TRPC5OS: variants seen among roughly 807,000 people sequenced by gnomAD.
TRPC5OS encodes putative uncharacterized protein TRPC5OS.
For missense variants in TRPC5OS, 64 were observed against 79.3 expected (o/e 0.81, Z 0.73); for synonymous variants, 30 against 29.3 (o/e 1.02, Z -0.08).
chrX:111,899,951 C>T (rs184950513), intron 3 of TRPC5OS, among the ~76,000 whole-genome samples: 4 of 110,646 alleles, frequency 3.6e-5, no homozygotes, highest in South Asian at 3.9e-4. Context: ...TGGTCATTAT[C>T]GTTGTGACCC....
chrX:111,888,692 T>TCA (rs1230757894), intron 1 of TRPC5OS, among the ~76,000 whole-genome samples: 2 of 22,911 alleles, frequency 8.7e-5, no homozygotes, highest in Admixed American at 1.4e-3. Context: ...AGACTCTATC[T>TCA]CAAAAAAAAA....
At chrX:111,895,291 C>T (rs1382839054) in intron 1 of TRPC5OS, among the ~76,000 whole-genome samples, 1 of 111,619 alleles carries the variant, frequency 9.0e-6, no homozygotes, top group African/African-American at 3.3e-5. Flanking sequence ...TAGTGATGAA[C>T]ACCTATTTAT....
At chrX:111,891,747 C>A (rs983090306) in intron 1 of TRPC5OS, among the ~76,000 whole-genome samples, 11 of 110,841 alleles carry the variant, frequency 9.9e-5, no homozygotes, top group African/African-American at 3.6e-4. Context: ...CGGGATTTCA[C>A]TATGTTGGCC....
At chrX:111,885,391 G>A (rs1924433124) in intron 1 of TRPC5OS, among the ~76,000 whole-genome samples, 1 of 111,365 alleles carries the variant, frequency 9.0e-6, no homozygotes, top group Admixed American at 9.6e-5. Context: ...GTCTAGTGAG[G>A]ACATTGGCCT....
chrX:111,886,781 C>T (rs773274349), intron 1 of TRPC5OS, among the ~76,000 whole-genome samples: 1 of 112,140 alleles, frequency 8.9e-6, no homozygotes, highest in African/African-American at 3.2e-5. Context: ...CTGACTGTGC[C>T]ATTTCTGTCG....
At chrX:111,894,522 C>T (rs911293735) in intron 1 of TRPC5OS, among the ~76,000 whole-genome samples, 2 of 111,347 alleles carry the variant, frequency 1.8e-5, no homozygotes, top group Non-Finnish European at 3.8e-5. Flanking sequence ...ATTAAAAACT[C>T]GGCCTAGCTA....
chrX:111,903,921 A>G lies in TRPC5OS; in HGVS notation c.*1736A>G, dbSNP rs1384242582. On this transcript the variant is annotated 3_prime_UTR_variant, in exon 4 of 4. Transcript: ENST00000635763. ...TGTTTACAATCTGTATTAGCTATTGATCTAAACCATTTTATTGTTTTCTTT... is the reference window on the plus strand; with the variant it reads ...TGTTTACAATCTGTATTAGCTATTGGTCTAAACCATTTTATTGTTTTCTTT... 8.9e-6 allele frequency: 1 copy of G among 112,147 alleles called. No individual in the cohort carries two copies. Among genetic ancestry groups the G allele is most frequent in the Non-Finnish European group, 1.9e-5 (1 of 53,217 alleles). The allele number at this position is 112,147 out of a possible 1,213,427, so 9.2% of individuals were successfully genotyped here.
Position 111,901,699 on chromosome X carries a change from T to A in TRPC5OS, c.-151T>A. ...TTGTTCTACTGTTCTCATTCTTTAC[T>A]TGATCACCATCATAATCATATCAAC... On this transcript the variant is annotated 5_prime_UTR_variant, in exon 4 of 4. In the 5' UTR this introduces an upstream ATG that the reference lacks. Transcript: ENST00000635763. 3 of 413,369 alleles carry A rather than the reference T, an allele frequency of 7.3e-6. No homozygotes were observed. Among genetic ancestry groups the A allele is most frequent in the Non-Finnish European group, 8.2e-6 (2 of 244,971 alleles). The allele number at this position is 413,369 out of a possible 1,213,427, so 34.1% of individuals were successfully genotyped here.
chrX:111,885,835 C>A (rs1924466584), intron 1 of TRPC5OS, among the ~76,000 whole-genome samples: 1 of 111,753 alleles, frequency 8.9e-6, no homozygotes, highest in African/African-American at 3.3e-5. Context: ...ACATTGTCTA[C>A]ATCACAAAAT....
At chrX:111,878,400 A>G (rs1163465570) in intron 1 of TRPC5OS, among the ~76,000 whole-genome samples, 2 of 111,629 alleles carry the variant, frequency 1.8e-5, no homozygotes, top group African/African-American at 6.5e-5. Flanking sequence ...TTAGACTCTA[A>G]GCTTCCTTAG....
chrX:111,891,352 T>G (rs967742964), intron 1 of TRPC5OS, among the ~76,000 whole-genome samples: 3 of 111,525 alleles, frequency 2.7e-5, no homozygotes, highest in Middle Eastern at 9.2e-3. Flanking sequence ...AAGCATTTCT[T>G]TTTCTCTGCA....
intron 1 of TRPC5OS, among the ~76,000 whole-genome samples, chrX:111,894,557 C>A (rs1385783450): frequency 9.0e-6 from 1 of 111,164 alleles, no homozygotes; most frequent in Non-Finnish European, 1.9e-5. Context: ...CTTAGCACTG[C>A]CATGAAGTAG....
chrX:111,881,560 A>G (rs890484459), intron 1 of TRPC5OS, among the ~76,000 whole-genome samples: 4 of 111,587 alleles, frequency 3.6e-5, no homozygotes, highest in Non-Finnish European at 7.5e-5. Flanking sequence ...ATTGGCAGAA[A>G]TAAAAATATA....
At chrX:111,891,174 A>T (rs190467109) in intron 1 of TRPC5OS, among the ~76,000 whole-genome samples, 1 of 112,232 alleles carries the variant, frequency 8.9e-6, no homozygotes, top group Non-Finnish European at 1.9e-5. Context: ...TGCAATGAAC[A>T]TAATGTGTGC....
intron 1 of TRPC5OS, among the ~76,000 whole-genome samples, chrX:111,880,789 T>A (rs1240578427): frequency 2.7e-5 from 3 of 112,446 alleles, no homozygotes; most frequent in African/African-American, 6.5e-5. Flanking sequence ...TAGGAATCCA[T>A]GAAGCTAATA....
At chrX:111,898,830 T>C (rs1925198347) in intron 3 of TRPC5OS, among the ~76,000 whole-genome samples, 1 of 110,133 alleles carries the variant, frequency 9.1e-6, no homozygotes. Context: ...GGAGATAATA[T>C]TAAAGTAGAT....
intron 3 of TRPC5OS, among the ~76,000 whole-genome samples, chrX:111,898,192 T>A (rs1175961215): frequency 9.4e-6 from 1 of 106,272 alleles, no homozygotes. Context: ...TCTGTTCAGA[T>A]CTTTTGGCCA....
At chrX:111,897,208 A>G (rs1475436853) in intron 3 of TRPC5OS, among the ~76,000 whole-genome samples, 2 of 111,486 alleles carry the variant, frequency 1.8e-5, no homozygotes, top group African/African-American at 6.5e-5. Flanking sequence ...TTCTGGTACC[A>G]AGCATTTTGG....
chrX:111,878,605 G>T (rs1455960232), intron 1 of TRPC5OS, among the ~76,000 whole-genome samples: 1 of 111,477 alleles, frequency 9.0e-6, no homozygotes, highest in Non-Finnish European at 1.9e-5. Flanking sequence ...TATTTCCCCA[G>T]CCTCTACCCA....
Sources: gnomAD v4.1 joint callset for allele counts (sites outside exome capture counted in the v4.1 genomes callset) on GRCh38, gnomAD v4.1.1 for gene constraint, MANE v1.5 for transcripts, NCBI Gene and HGNC (gene_info 2026-07-23, HGNC 2026-07-21) for gene names.